PDE3A: variants seen among roughly 807,000 people sequenced by gnomAD.
PDE3A encodes the protein cGMP-inhibited 3',5'-cyclic phosphodiesterase 3A.
PDE3A carries 43 observed loss-of-function variants against 98.3 expected under a neutral mutation model. That is an observed-to-expected ratio of 0.44 (90% CI 0.34 to 0.56). The LOEUF (loss-of-function observed/expected upper bound fraction) is 0.56, where lower values mean the gene tolerates loss of function less well. Ranked by LOEUF, PDE3A falls within the 20% of genes least tolerant of loss-of-function variation. The pLI is 0.01. For missense variants in PDE3A, 1,427 were observed against 1,440.7 expected (o/e 0.99, Z 0.15); for synonymous variants, 663 against 567.9 (o/e 1.17, Z -2.38).
chr12:20,512,751 G>C (rs80261998), intron 1 of PDE3A, among the ~76,000 whole-genome samples: 85 of 152,148 alleles, frequency 5.6e-4, no homozygotes, highest in African/African-American at 2.0e-3. Context: ...TTGCAACTTC[G>C]TTACGTTAGA....
intron 2 of PDE3A, among the ~76,000 whole-genome samples, chr12:20,565,697 A>G (rs1473597758): frequency 6.6e-6 from 1 of 151,958 alleles, no homozygotes; most frequent in Non-Finnish European, 1.5e-5. Flanking sequence ...ATACTACCAA[A>G]AAAACACAGG....
At chr12:20,679,204 C>G (rs1945709058) in intron 15 of PDE3A, among the ~76,000 whole-genome samples, 1 of 151,430 alleles carries the variant, frequency 6.6e-6, no homozygotes, top group Non-Finnish European at 1.5e-5. Flanking sequence ...ATAAGAAAAG[C>G]AGAGTAGTTA....
intron 2 of PDE3A, among the ~76,000 whole-genome samples, chr12:20,608,076 A>AAAATTCCTTAAT (rs1943757540): frequency 2.4e-5 from 3 of 126,562 alleles, no homozygotes; most frequent in Admixed American, 1.7e-4. Context: ...CCTCTCCCTT[A>AAAATTCCTTAAT]AAATTCCTTA....
intron 15 of PDE3A, among the ~76,000 whole-genome samples, chr12:20,662,845 G>C (rs1945209267): frequency 6.6e-6 from 1 of 152,158 alleles, no homozygotes; most frequent in Admixed American, 6.5e-5. Flanking sequence ...ATTTGCATAA[G>C]TAACAAGGAG....
At chr12:20,386,503 TC>T (rs570500738) in intron 1 of PDE3A, among the ~76,000 whole-genome samples, 307 of 151,474 alleles carry the variant, frequency 2.0e-3, no homozygotes, top group Non-Finnish European at 2.0e-3. Flanking sequence ...TTTTCTTTTT[TC>T]TTCTTTCTTT....
intron 1 of PDE3A, among the ~76,000 whole-genome samples, chr12:20,412,277 T>A (rs762275836): frequency 6.6e-6 from 1 of 152,222 alleles, no homozygotes; most frequent in Non-Finnish European, 1.5e-5. Context: ...CATGATGGAA[T>A]AAATGATAGA....
chr12:20,627,468 A>G (rs939488712), intron 5 of PDE3A, among the ~76,000 whole-genome samples: 1 of 151,892 alleles, frequency 6.6e-6, no homozygotes, highest in African/African-American at 2.4e-5. Context: ...CTCCTCTGAC[A>G]TCCCCCAGGT....
chr12:20,649,387 G>T (rs66476924), intron 13 of PDE3A, among the ~76,000 whole-genome samples: 11,508 of 152,170 alleles, frequency 0.076, 586 homozygotes, highest in Middle Eastern at 0.14. Flanking sequence ...TCTGAATCTA[G>T]ATGCCCAAGA....
intron 1 of PDE3A, among the ~76,000 whole-genome samples, chr12:20,435,213 C>T (rs965462189): frequency 2.0e-5 from 3 of 152,156 alleles, no homozygotes; most frequent in Non-Finnish European, 4.4e-5. Flanking sequence ...GTAGAGTCAA[C>T]TGTGAGATTC....
intron 1 of PDE3A, among the ~76,000 whole-genome samples, chr12:20,456,684 A>C (rs1945158269): frequency 6.6e-6 from 1 of 152,154 alleles, no homozygotes; most frequent in South Asian, 2.1e-4. Context: ...CCATGGGTAG[A>C]GTTGCCAGAC....
intron 2 of PDE3A, among the ~76,000 whole-genome samples, chr12:20,598,930 A>G (rs946318015): frequency 1.3e-5 from 2 of 152,052 alleles, no homozygotes; most frequent in Non-Finnish European, 2.9e-5. Flanking sequence ...TCTATGCCAC[A>G]CCTTAATCTT....
intron 1 of PDE3A, among the ~76,000 whole-genome samples, chr12:20,395,780 G>A (rs1944006359): frequency 6.6e-6 from 1 of 151,030 alleles, no homozygotes; most frequent in Non-Finnish European, 1.5e-5. Context: ...CTATAGAGAT[G>A]CAACCTTCAA....
chr12:20,652,055 G>A (rs958515267), intron 14 of PDE3A, among the ~76,000 whole-genome samples: 4 of 152,098 alleles, frequency 2.6e-5, no homozygotes, highest in Non-Finnish European at 5.9e-5. Flanking sequence ...TGCTGAGAAT[G>A]ATGGTTTCCA....
chr12:20,412,817 A>T (rs1424698943), intron 1 of PDE3A, among the ~76,000 whole-genome samples: 1 of 152,166 alleles, frequency 6.6e-6, no homozygotes, highest in Non-Finnish European at 1.5e-5. Flanking sequence ...ACTCAGGTAG[A>T]TAGGATTTAC....
chr12:20,617,701 G>A (rs1038152449), intron 4 of PDE3A, among the ~76,000 whole-genome samples: 1 of 152,082 alleles, frequency 6.6e-6, no homozygotes, highest in Non-Finnish European at 1.5e-5. Flanking sequence ...TCCTGTCATA[G>A]TATAGGTAAT....
intron 1 of PDE3A, among the ~76,000 whole-genome samples, chr12:20,482,781 A>G (rs942142206): frequency 3.3e-5 from 5 of 152,178 alleles, no homozygotes; most frequent in African/African-American, 9.6e-5. Flanking sequence ...ATGTACTTTT[A>G]TTTCTTCAGC....
intron 1 of PDE3A, among the ~76,000 whole-genome samples, chr12:20,500,793 G>T (rs1443395596): frequency 4.1e-5 from 6 of 144,944 alleles, no homozygotes; most frequent in Admixed American, 6.9e-5. Context: ...TTTGAGACAA[G>T]GTCTTGCTCT....
Position 20,552,786 on chromosome 12 carries a change from G to A in PDE3A, c.961-3874G>A, listed in dbSNP as rs978853767. 8 of 1,614,056 alleles carry A rather than the reference G, an allele frequency of 5.0e-6. No individual in the cohort carries two copies. The Admixed American group carries it at 1.3e-4, about 27-fold the overall frequency. ...TCCAGTTGTTCCTGAGTAAAGTGGAGGAGACGTTCCAGTGTATCTGCTGTC... is the reference window on the plus strand; with the variant it reads ...TCCAGTTGTTCCTGAGTAAAGTGGAAGAGACGTTCCAGTGTATCTGCTGTC... On this transcript the variant is annotated intron_variant, in intron 1 of 15. Transcript: ENST00000359062. The surrounding 1 kb of genome is among the most constrained non-coding windows in gnomAD (Gnocchi z 5.1).
At chr12:20,397,209 C>T (rs2120640271) in intron 1 of PDE3A, among the ~76,000 whole-genome samples, 1 of 152,154 alleles carries the variant, frequency 6.6e-6, no homozygotes, top group South Asian at 2.1e-4. Context: ...CATTTTACAG[C>T]TGAAGACACA....
Sources: allele counts gnomAD v4.1 joint callset (sites outside exome capture counted in the v4.1 genomes callset), GRCh38; gene constraint gnomAD v4.1.1; non-coding constraint Gnocchi (gnomAD v3.1); transcripts MANE v1.5; gene names NCBI Gene and HGNC (gene_info 2026-07-23, HGNC 2026-07-21).